Variants in ANXA2 observed in about 807,000 individuals in gnomAD.
ANXA2 encodes the protein annexin A2.
In ANXA2, 28 loss-of-function variants were observed where a neutral mutation model predicts 47.3. That is an observed-to-expected ratio of 0.59 (90% CI 0.44 to 0.81). The LOEUF is 0.81. ANXA2 is among the 40% of genes least tolerant of loss of function. The pLI is 0.00. For missense variants in ANXA2, 384 were observed against 414.3 expected (o/e 0.93, Z 0.64); for synonymous variants, 172 against 155.5 (o/e 1.11, Z -0.79).
intron 3 of ANXA2, chr15:60,374,556 GCTAA>G (rs1343873268): frequency 1.5e-5 from 7 of 455,902 alleles, no homozygotes; most frequent in East Asian, 1.4e-4. Context: ...AGGGAAAAGA[GCTAA>G]CTGTTTTTTA....
At chr15:60,385,881 C>T in intron 2 of ANXA2, 147 bp downstream of exon 2, 1 of 546,438 alleles carries the variant, frequency 1.8e-6, no homozygotes, top group Non-Finnish European at 3.2e-6. Flanking sequence ...CTAGGAACAG[C>T]TGAAGTATTA....
chr15:60,371,290 C>T (rs777466949), intron 3 of ANXA2, among the ~76,000 whole-genome samples: 9 of 152,292 alleles, frequency 5.9e-5, no homozygotes, highest in Admixed American at 2.6e-4. Context: ...GGGAATGCCA[C>T]GGGGAGGTGT....
At chr15:60,374,435 A>G in intron 3 of ANXA2, 1 of 455,714 alleles carries the variant, frequency 2.2e-6, no homozygotes, top group East Asian at 6.9e-5. Flanking sequence ...AAACCAACGC[A>G]GCCACCCTTA....
chr15:60,374,249 T>A (rs1171761672), intron 3 of ANXA2, among the ~76,000 whole-genome samples: 2 of 152,214 alleles, frequency 1.3e-5, no homozygotes, highest in Non-Finnish European at 2.9e-5. Flanking sequence ...CATGCAGAAT[T>A]ATATTTCTGA....
rs1895782799 is a variant in ANXA2, at chr15:60,347,694, A to G, written c.961-5T>C. The G allele has an allele frequency of 1.9e-6, 3 of 1,614,108 alleles. No individual in the cohort carries two copies. The highest frequency in any genetic ancestry group is 2.5e-6 in the Non-Finnish European group (3 of 1,179,956). ...GTAGTCGCCCTTAGTGTCTTGCTAC[A>G]ATGGCCCAGGAAAGAAAAGAAACGT... On this transcript the variant is annotated splice_region_variant and splice_polypyrimidine_tract_variant and intron_variant, in intron 12 of 12. Transcript: ENST00000451270.
intron 3 of ANXA2, among the ~76,000 whole-genome samples, chr15:60,366,948 C>T (rs2062624585): frequency 1.0e-5 from 1 of 95,410 alleles, no homozygotes. Flanking sequence ...TCTGCCCGGC[C>T]AGCCGCCCCG....
At chr15:60,393,680 G>T in intron 1 of ANXA2, 1 of 985,396 alleles carries the variant, frequency 1.0e-6, no homozygotes, top group Non-Finnish European at 1.2e-6. Context: ...AATCATAAAT[G>T]CCGCCTTTCT....
At position 60,379,371 on chromosome 15, in the gene ANXA2, G is replaced by C. The variant is rs75915945; in HGVS notation, c.148+2971C>G. Among the ~76,000 whole-genome samples, 642 of 152,250 alleles carry C rather than the reference G, an allele frequency of 4.2e-3. 2 individuals carry two copies. Among genetic ancestry groups the C allele is most frequent in the Non-Finnish European group, 7.3e-3 (495 of 68,004 alleles). On this transcript the variant is annotated intron_variant, in intron 3 of 12. Coordinates refer to ENST00000451270, the MANE Select transcript of ANXA2 (RefSeq NM_004039.3). ...TCTGGGGGAAAAAAAAGGAGATGGAGAATCTAAAGCTAGACCACAAATATG... is the reference window on the plus strand; with the variant it reads ...TCTGGGGGAAAAAAAAGGAGATGGACAATCTAAAGCTAGACCACAAATATG...
At chr15:60,369,574 A>G (rs2062685602) in intron 3 of ANXA2, among the ~76,000 whole-genome samples, 2 of 152,238 alleles carry the variant, frequency 1.3e-5, no homozygotes, top group Non-Finnish European at 2.9e-5. Flanking sequence ...TGTTTGGGTC[A>G]GAATGTGGTT....
At chr15:60,364,105 C>T (rs1057032862) in intron 4 of ANXA2, among the ~76,000 whole-genome samples, 1 of 152,196 alleles carries the variant, frequency 6.6e-6, no homozygotes, top group Non-Finnish European at 1.5e-5. Context: ...TGACCATCTG[C>T]GCTCTGCCTC....
intron 1 of ANXA2, among the ~76,000 whole-genome samples, chr15:60,397,645 C>A (rs759111529): frequency 6.6e-6 from 1 of 152,002 alleles, no homozygotes. Context: ...CCTCTCCCCA[C>A]GCCGCCTCGC....
In ANXA2 at chr15:60,364,508, G is replaced by A; in HGVS notation, c.164C>T (p.Thr55Ile). 1 of 1,612,960 alleles carries A rather than the reference G, an allele frequency of 6.2e-7. No homozygotes were observed. Among genetic ancestry groups the A allele is most frequent in the Non-Finnish European group, 8.5e-7 (1 of 1,179,608 alleles). Residue 55 changes from threonine to isoleucine, a missense_variant, in exon 4 of 13, where the codon ACC becomes ATC. By Grantham distance (89) the Thr-to-Ile change is moderately conservative. Coordinates refer to ENST00000451270, the MANE Select transcript of ANXA2 (RefSeq NM_004039.3). ...GCGGTTGGTCAAAATGTTGACAATG[G>A]TGACCTCATCCACACCTATGGAAAT... Reference protein sequence around the residue: ...AIKTKGVDEVTIVNILTNRSN... With the variant: ...AIKTKGVDEVIIVNILTNRSN...
chr15:60,364,404 C>T (rs1419619173), intron 4 of ANXA2, 25 bp downstream of exon 4: 1 of 1,580,824 alleles, frequency 6.3e-7, no homozygotes, highest in South Asian at 1.1e-5. Context: ...CAAGAAATGC[C>T]CTCCATCCCT....
intron 3 of ANXA2, among the ~76,000 whole-genome samples, chr15:60,380,575 G>A (rs865974805): frequency 3.3e-5 from 5 of 151,482 alleles, no homozygotes; most frequent in African/African-American, 9.7e-5. Flanking sequence ...AGGCCAAGGC[G>A]GGCGGATCAC....
At chr15:60,373,198 A>AT (rs1196757138) in intron 3 of ANXA2, among the ~76,000 whole-genome samples, 1 of 152,200 alleles carries the variant, frequency 6.6e-6, no homozygotes, top group Non-Finnish European at 1.5e-5. Context: ...CTGGGCTGAA[A>AT]TTTTTACATA....
chr15:60,351,177 A>G lies in ANXA2; in HGVS notation c.837+16T>C. 1 of 1,613,850 alleles carries G rather than the reference A, an allele frequency of 6.2e-7. No homozygotes were observed. The highest frequency in any genetic ancestry group is 8.5e-7 in the Non-Finnish European group (1 of 1,179,700). The stretch of plus-strand genomic sequence containing the variant: ...CTGAGTGTGGAAACACAGCTCTCTC[A>G]GCCAGCTGCCCTTACCTTCATGGAG... On this transcript the variant is annotated intron_variant, in intron 11 of 12. Transcript: ENST00000451270.
At chr15:60,379,172 G>C (rs1218627887) in intron 3 of ANXA2, among the ~76,000 whole-genome samples, 3 of 151,610 alleles carry the variant, frequency 2.0e-5, no homozygotes, top group African/African-American at 7.3e-5. Context: ...CCAGCTACTC[G>C]GGAGGCTGAG....
chr15:60,381,715 C>T (rs544801182), intron 3 of ANXA2, among the ~76,000 whole-genome samples: 2 of 151,746 alleles, frequency 1.3e-5, no homozygotes, highest in Admixed American at 1.3e-4. Flanking sequence ...TTAAAAAAAA[C>T]AAAAAAAGTC....
rs574426237 is a variant in ANXA2 at position 60,393,779 on chromosome 15, T to C, written c.-12+4164A>G. Reference sequence around the variant, plus strand: ...CATGTGTAAAGTCTGTCTTCCGTATTATCCGCCCACAGGGTTTCCAACTTA... The same window carrying C: ...CATGTGTAAAGTCTGTCTTCCGTATCATCCGCCCACAGGGTTTCCAACTTA... On this transcript the variant is annotated intron_variant, in intron 1 of 12. Transcript: ENST00000451270. 263 of 817,962 alleles carry C rather than the reference T, an allele frequency of 3.2e-4. 2 individuals carry two copies. Among genetic ancestry groups the C allele is most frequent in the Middle Eastern group, 2.5e-3 (4 of 1,582 alleles). 50.7% of individuals were successfully genotyped at this position (817,962 alleles called of 1,614,324 possible). A position where few individuals can be genotyped will look rare whatever the true frequency, so the allele number is the denominator to read the frequency against.
Sources: allele counts gnomAD v4.1 joint callset (sites outside exome capture counted in the v4.1 genomes callset), GRCh38; gene constraint gnomAD v4.1.1; transcripts MANE v1.5; gene names NCBI Gene and HGNC (gene_info 2026-07-23, HGNC 2026-07-21).